BTD: variants seen among roughly 807,000 people sequenced by gnomAD.
The protein encoded by BTD is biotinidase, also known as biocytinase.
In BTD, 13 loss-of-function variants were observed where a neutral mutation model predicts 17.7. The observed-to-expected ratio is 0.74, with a 90% CI of 0.48 to 1.17. The LOEUF (loss-of-function observed/expected upper bound fraction) is 1.17. Ranked by LOEUF, BTD falls within the 50% of genes most tolerant of loss-of-function variation. BTD has a pLI of 0.00. For missense variants in BTD, 674 were observed against 650.4 expected, an observed-to-expected ratio of 1.04 and a Z score of -0.39; for synonymous variants, 240 against 245.2, an observed-to-expected ratio of 0.98 and a Z score of 0.20.
intron 2 of BTD, among the ~76,000 whole-genome samples, chr3:15,640,316 A>G (rs2065462455): frequency 6.6e-6 from 1 of 152,190 alleles, no homozygotes; most frequent in African/African-American, 2.4e-5. Flanking sequence ...TCAAATTCCA[A>G]TAATAGAGGA....
At chr3:15,694,982 G>A (rs1457032283) in intron 3 of BTD, among the ~76,000 whole-genome samples, 3 of 152,118 alleles carry the variant, frequency 2.0e-5, no homozygotes, top group Admixed American at 2.0e-4. Flanking sequence ...GAGCTTTGAA[G>A]ACAGGCATAA....
chr3:15,682,500 A>G (rs985296765), intron 3 of BTD, among the ~76,000 whole-genome samples: 2 of 152,182 alleles, frequency 1.3e-5, no homozygotes, highest in Admixed American at 1.3e-4. Flanking sequence ...TTCAGAGGCT[A>G]GTCTGAGGAT....
chr3:15,705,813 C>T (rs1250347916), intron 3 of BTD, among the ~76,000 whole-genome samples: 3 of 152,078 alleles, frequency 2.0e-5, no homozygotes, highest in African/African-American at 7.2e-5. Flanking sequence ...CCAGCCTGGC[C>T]AACATGGTGA....
intron 1 of BTD, among the ~76,000 whole-genome samples, chr3:15,619,982 A>G (rs1339016253): frequency 6.6e-6 from 1 of 152,210 alleles, no homozygotes; most frequent in East Asian, 1.9e-4. Context: ...AAGCAGAACC[A>G]CTGATAAGGG....
At chr3:15,622,898 G>A (rs1306851273) in intron 1 of BTD, among the ~76,000 whole-genome samples, 1 of 152,162 alleles carries the variant, frequency 6.6e-6, no homozygotes, top group East Asian at 1.9e-4. Flanking sequence ...ATGTTAGTCT[G>A]TTTTCATGCT....
chr3:15,686,053 T>A, intron 3 of BTD: 1 of 1,613,806 alleles, frequency 6.2e-7, no homozygotes, highest in Non-Finnish European at 8.5e-7. Context: ...CTACATTTGC[T>A]CCTTTGTTCA....
intron 1 of BTD, among the ~76,000 whole-genome samples, chr3:15,610,502 A>G (rs534141275): frequency 6.6e-6 from 1 of 152,320 alleles, no homozygotes; most frequent in African/African-American, 2.4e-5. Context: ...ATTTACCATA[A>G]CATCCAGTTG....
At position 15,628,788 on chromosome 3, in the gene BTD, G is replaced by A. The variant is rs564762063; in HGVS notation, c.-16-6636G>A. ...TTTTCACAGTTCATTTTCGACCACC[G>A]AAGATTTCCTTTAACTTTCCTGCAA... On this transcript the variant is annotated intron_variant, in intron 1 of 3. Transcript: ENST00000643237. Among the ~76,000 whole-genome samples, 4 of 152,112 alleles carry A rather than the reference G, an allele frequency of 2.6e-5. No homozygotes were observed. In the South Asian group the frequency reaches 8.3e-4, roughly 32 times the overall value.
intron 2 of BTD, among the ~76,000 whole-genome samples, chr3:15,636,524 G>T (rs776234306): frequency 6.6e-6 from 1 of 152,320 alleles, no homozygotes; most frequent in East Asian, 1.9e-4. Context: ...AGTTTGGGCT[G>T]TAACTCTGGT....
chr3:15,720,436 C>T (rs183086227), intron 4 of BTD, among the ~76,000 whole-genome samples: 120 of 152,276 alleles, frequency 7.9e-4, no homozygotes, highest in African/African-American at 2.7e-3. Context: ...ATACAGACAT[C>T]ATACATGTCA....
At chr3:15,610,032 A>G (rs899654256) in intron 1 of BTD, among the ~76,000 whole-genome samples, 1 of 150,736 alleles carries the variant, frequency 6.6e-6, no homozygotes, top group African/African-American at 2.4e-5. Context: ...TTGTTTGTTG[A>G]GAAGTAAGAA....
At chr3:15,694,851 T>TA in intron 3 of BTD, 1 of 1,580,074 alleles carries the variant, frequency 6.3e-7, no homozygotes, top group Non-Finnish European at 8.7e-7. Context: ...CAGAAAGACA[T>TA]ACTACAGCAA....
At chr3:15,672,583 G>C (rs2125598446) in intron 3 of BTD, among the ~76,000 whole-genome samples, 1 of 152,302 alleles carries the variant, frequency 6.6e-6, no homozygotes, top group East Asian at 1.9e-4. Context: ...AAAGTAGCTG[G>C]GGGAGTGCTT....
intron 3 of BTD, chr3:15,678,250 G>T: frequency 6.2e-7 from 1 of 1,612,558 alleles, no homozygotes. Context: ...CATCATAAGA[G>T]GTGTTTTCCC....
intron 3 of BTD, chr3:15,696,219 T>C: frequency 3.1e-6 from 5 of 1,587,530 alleles, no homozygotes; most frequent in Non-Finnish European, 4.3e-6. Flanking sequence ...TGGATTTGCA[T>C]CGTTTCTTAA....
intron 3 of BTD, among the ~76,000 whole-genome samples, chr3:15,695,023 C>A (rs912931022): frequency 6.6e-6 from 1 of 152,088 alleles, no homozygotes; most frequent in African/African-American, 2.4e-5. Context: ...TTAATTGCCA[C>A]CAAGTAAACA....
chr3:15,653,878 A>G (rs1450211479), downstream of BTD, among the ~76,000 whole-genome samples: 5 of 152,238 alleles, frequency 3.3e-5, no homozygotes, highest in African/African-American at 7.2e-5. Context: ...GCAAAGTCAC[A>G]TAAGACTGTT....
At chr3:15,602,025 C>T in intron 1 of BTD, 131 bp downstream of exon 1, 1 of 1,497,290 alleles carries the variant, frequency 6.7e-7, no homozygotes, top group Non-Finnish European at 8.9e-7. Context: ...GCCCGGCGCG[C>T]GTCGTTTGCT....
intron 3 of BTD, among the ~76,000 whole-genome samples, chr3:15,706,025 CA>C (rs1575274344): frequency 7.1e-6 from 1 of 140,920 alleles, no homozygotes. Context: ...CAACAAACAA[CA>C]AAAAAACCCA....
Sources: gnomAD v4.1 joint callset for allele counts (sites outside exome capture counted in the v4.1 genomes callset) on GRCh38, gnomAD v4.1.1 for gene constraint, MANE v1.5 for transcripts, NCBI Gene and HGNC (gene_info 2026-07-23, HGNC 2026-07-21) for gene names.